Variants in QPCTL observed in about 807,000 individuals in gnomAD.
QPCTL encodes the protein glutaminyl-peptide cyclotransferase like.
Under a neutral mutation model 34.6 loss-of-function variants are expected in QPCTL, and 31 were observed. That is an observed-to-expected ratio of 0.90 (90% confidence interval 0.67 to 1.21). QPCTL has a LOEUF of 1.21. QPCTL is among the 50% of genes most tolerant of loss of function. The probability of loss-of-function intolerance (pLI) is 0.00; values close to 1 mark genes in which losing one functional copy is unlikely to be tolerated. For missense variants in QPCTL, 474 were observed against 507.8 expected, an observed-to-expected ratio of 0.93 and a Z score of 0.64; for synonymous variants, 223 against 226.9, an observed-to-expected ratio of 0.98 and a Z score of 0.15.
At chr19:45,694,602 C>T (rs1412478064) in intron 2 of QPCTL, among the ~76,000 whole-genome samples, 2 of 151,856 alleles carry the variant, frequency 1.3e-5, no homozygotes, top group Non-Finnish European at 2.9e-5. Flanking sequence ...TCCTGAGTAG[C>T]TGGGATTACA....
rs1233952576 is a variant in QPCTL at position 45,692,694 on chromosome 19, C to A, written c.-10C>A. On this transcript the variant is annotated 5_prime_UTR_variant, in exon 1 of 7. Coordinates refer to ENST00000012049, the MANE Select transcript of QPCTL (RefSeq NM_017659.4). ...CCGTGGTCTGGTACAGGTTTCAGGG[C>A]AAAGCGGCCATGCGTTCCGGGGGCC... 1.3e-6 allele frequency: 2 copies of A among 1,530,302 alleles called. No homozygotes were observed. Among genetic ancestry groups the A allele is most frequent in the African/African-American group, 1.4e-5 (1 of 71,206 alleles). The allele number at this position is 1,530,302 out of a possible 1,614,324, so 94.8% of individuals were successfully genotyped here.
Position 45,693,403 on chromosome 19 carries a change from C to G in QPCTL, c.208-10C>G. 1 of 1,607,166 alleles carries G rather than the reference C, an allele frequency of 6.2e-7. No homozygotes were observed. The highest frequency in any genetic ancestry group is 1.1e-5 in the South Asian group (1 of 90,298). ...CATTCTTCCCTTCCCTATCCCACCTCCTTCCCAAGGTCCCATTGATCGGAA... is the reference window on the plus strand; with the variant it reads ...CATTCTTCCCTTCCCTATCCCACCTGCTTCCCAAGGTCCCATTGATCGGAA... On this transcript the variant is annotated splice_polypyrimidine_tract_variant and intron_variant, in intron 1 of 6. Coordinates refer to ENST00000012049, the MANE Select transcript of QPCTL (RefSeq NM_017659.4).
At position 45,701,862 on chromosome 19, in the gene QPCTL, CG is replaced by C. The variant is rs1568540540; in HGVS notation, c.955del (p.Glu319SerfsTer70). ...HPQEVMYFQPGEPFGSVEDDH... is the reference protein window; with the variant it reads ...HPQEVMYFQPXEPFGSVEDDH... ...CCCAGGAAGTGATGTACTTCCAACC[CG>C]GGGAGCCCTTTGGCTCTGTGGAAGA... On this transcript the variant is annotated frameshift_variant, in exon 6 of 7. Transcript: ENST00000012049. LOFTEE classifies it high-confidence loss of function. 1 of 1,614,030 alleles carries C rather than the reference CG, an allele frequency of 6.2e-7. No homozygotes were observed. Among genetic ancestry groups the C allele is most frequent in the Non-Finnish European group, 8.5e-7 (1 of 1,179,984 alleles).
rs1220843991 is a variant in QPCTL, at chr19:45,698,718, G to A, written c.786+19G>A. The A allele has an allele frequency of 6.2e-7, 1 of 1,613,832 alleles. No homozygotes were observed. The highest frequency in any genetic ancestry group is 8.5e-7 in the Non-Finnish European group (1 of 1,179,804). On this transcript the variant is annotated intron_variant, in intron 4 of 6. Coordinates refer to ENST00000012049, the MANE Select transcript of QPCTL (RefSeq NM_017659.4). ...GGCTATTGTAAGACCAGGGTCCCCT[G>A]GCTTCTGGCGAGGGAGGGAGCAGGT...
chr19:45,703,218 T>G lies in QPCTL; in HGVS notation c.*169T>G. The G allele has an allele frequency of 2.2e-6, 2 of 895,986 alleles. No homozygotes were observed. The highest frequency in any genetic ancestry group is 2.7e-5 in the East Asian group (1 of 37,152). The allele number at this position is 895,986 out of a possible 1,614,324, so 55.5% of individuals were successfully genotyped here. ...CTTCTTTCTTTTGATTGTCTCAAGC[T>G]GCCACCCTTCAAGGACAGGGAAGAG... On this transcript the variant is annotated 3_prime_UTR_variant, in exon 7 of 7. Transcript: ENST00000012049.
At chr19:45,693,386 C>T in intron 1 of QPCTL, 27 bp from the exon 2 acceptor site, 1 of 1,593,806 alleles carries the variant, frequency 6.3e-7, no homozygotes, top group Non-Finnish European at 8.6e-7. Flanking sequence ...CTCATTCTTC[C>T]CTTCCCTATC....
At chr19:45,698,372 T>C (rs1465386068) in intron 3 of QPCTL, 175 bp from the exon 4 acceptor site, 1 of 731,522 alleles carries the variant, frequency 1.4e-6, no homozygotes, top group East Asian at 2.7e-5. Flanking sequence ...AGCAGCCAAG[T>C]ACGGATTTGA....
chr19:45,700,456 T>C (rs922442469), intron 5 of QPCTL, among the ~76,000 whole-genome samples: 4 of 151,188 alleles, frequency 2.6e-5, no homozygotes, highest in African/African-American at 9.7e-5. Flanking sequence ...AATAAATAAA[T>C]AAATAAACAA....
chr19:45,694,830 G>C (rs1967659883), intron 2 of QPCTL, among the ~76,000 whole-genome samples: 1 of 151,996 alleles, frequency 6.6e-6, no homozygotes, highest in Non-Finnish European at 1.5e-5. Context: ...GTCATGTATT[G>C]GCAGTCCCTC....
Position 45,695,431 on chromosome 19 carries a change from C to T in QPCTL, c.352-6C>T, listed in dbSNP as rs373364104. 1.1e-5 allele frequency: 18 copies of T among 1,606,764 alleles called. No individual in the cohort carries two copies. The highest frequency in any genetic ancestry group is 1.1e-4 in the African/African-American group (8 of 74,792). On this transcript the variant is annotated splice_region_variant and splice_polypyrimidine_tract_variant and intron_variant, in intron 2 of 6. Coordinates refer to ENST00000012049, the MANE Select transcript of QPCTL (RefSeq NM_017659.4). ...GTCCACCCTCCCACCTCTCTCTTGC[C>T]GCTAGTTCCTGGAGGCCACGCTGCG...
intron 2 of QPCTL, among the ~76,000 whole-genome samples, chr19:45,694,764 C>T (rs907346763): frequency 2.0e-5 from 3 of 152,064 alleles, no homozygotes; most frequent in Non-Finnish European, 4.4e-5. Flanking sequence ...CCACCGCGCC[C>T]GGCCTGGACT....
chr19:45,698,068 G>C (rs1397586998), intron 3 of QPCTL, among the ~76,000 whole-genome samples: 1 of 151,780 alleles, frequency 6.6e-6, no homozygotes. Context: ...CATGGTGAAA[G>C]CTTGTCTCTA....
chr19:45,696,879 T>C (rs2146127239), intron 3 of QPCTL, among the ~76,000 whole-genome samples: 1 of 152,204 alleles, frequency 6.6e-6, no homozygotes, highest in African/African-American at 2.4e-5. Flanking sequence ...TCCCAGCACT[T>C]TGGGAGGCCG....
intron 5 of QPCTL, among the ~76,000 whole-genome samples, chr19:45,700,681 C>T (rs1246576958): frequency 6.6e-6 from 1 of 152,092 alleles, no homozygotes; most frequent in African/African-American, 2.4e-5. Context: ...CCAGTGGGGG[C>T]CGGGCCTGGT....
chr19:45,695,342 C>G, intron 2 of QPCTL, 95 bp from the exon 3 acceptor site: 1 of 1,167,046 alleles, frequency 8.6e-7, no homozygotes, highest in Non-Finnish European at 1.2e-6. Context: ...GCTTTAGTGT[C>G]AACCCATCTG....
rs374259442 is a variant in QPCTL at position 45,701,752 on chromosome 19, G to A, written c.887-46G>A. 386 of 1,451,110 alleles carry A rather than the reference G, an allele frequency of 2.7e-4. 2 individuals are homozygous for A. The highest frequency in any genetic ancestry group is 3.8e-4 in the South Asian group (31 of 82,356). The allele number at this position is 1,451,110 out of a possible 1,614,324, so 89.9% of individuals were successfully genotyped here. ...TCTGATTTGTGGACTGGGGACCTTC[G>A]ACTACTAAGGACTAACCCTTCCTCT... On this transcript the variant is annotated intron_variant, in intron 5 of 6. Transcript: ENST00000012049.
intron 1 of QPCTL, 43 bp downstream of exon 1, chr19:45,692,953 C>G: frequency 1.3e-6 from 2 of 1,509,062 alleles, no homozygotes; most frequent in South Asian, 1.2e-5. Context: ...GACCCTCATT[C>G]CCTCCCCGCT....
chr19:45,694,249 G>C (rs1333194974), intron 2 of QPCTL, among the ~76,000 whole-genome samples: 2 of 151,854 alleles, frequency 1.3e-5, no homozygotes, highest in African/African-American at 4.8e-5. Context: ...CGTGGTGGTG[G>C]GTACCCGTAG....
chr19:45,692,722 G>T lies in QPCTL; in HGVS notation c.19G>T (p.Gly7Trp). Residue 7 changes from glycine to tryptophan, a missense_variant, in exon 1 of 7, where the codon GGG (glycine) becomes TGG (tryptophan). Coordinates refer to ENST00000012049, the MANE Select transcript of QPCTL (RefSeq NM_017659.4). The stretch of plus-strand genomic sequence containing the variant: ...AGCGGCCATGCGTTCCGGGGGCCGC[G>T]GGCGACCCCGCCTGCGGCTGGGGGA... MRSGGRGRPRLRLGERG... is the reference protein window; with the variant it reads MRSGGRWRPRLRLGERG... 1 of 1,553,584 alleles carries T rather than the reference G, an allele frequency of 6.4e-7. No individual in the cohort carries two copies. Among genetic ancestry groups the T allele is most frequent in the South Asian group, 1.2e-5 (1 of 85,646 alleles).
Sources: allele counts gnomAD v4.1 joint callset (sites outside exome capture counted in the v4.1 genomes callset), GRCh38; gene constraint gnomAD v4.1.1; transcripts MANE v1.5; gene names NCBI Gene and HGNC (gene_info 2026-07-23, HGNC 2026-07-21).